Variants in MBD5 observed in about 807,000 individuals in gnomAD.
MBD5 encodes methyl-CpG-binding domain protein 5.
MBD5 carries 13 observed loss-of-function variants against 117.3 expected under a neutral mutation model. The ratio of observed to expected loss-of-function variants is 0.11; its 90% CI spans 0.07 to 0.18. MBD5 has a LOEUF of 0.18. Among genes scored for constraint, MBD5 ranks in the 10% least tolerant of loss-of-function variants. MBD5 has a pLI of 1.00. For synonymous variants in MBD5, 727 were observed against 766.4 expected (o/e 0.95, Z 0.85); for missense variants, 1,879 against 2,093.8 (o/e 0.90, Z 2.00).
intron 4 of MBD5, among the ~76,000 whole-genome samples, chr2:148,410,349 G>A (rs1296127652): frequency 6.6e-6 from 1 of 152,062 alleles, no homozygotes; most frequent in African/African-American, 2.4e-5. Context: ...TTCTCAGTCT[G>A]TCCATATGTA....
chr2:148,345,222 A>C (rs1165780921), intron 4 of MBD5, among the ~76,000 whole-genome samples: 1 of 79,506 alleles, frequency 1.3e-5, no homozygotes, highest in Non-Finnish European at 2.6e-5. Context: ...ATATATACAC[A>C]CACACATATA....
chr2:148,136,127 A>G, intron 1 of MBD5, among the ~76,000 whole-genome samples: 1 of 152,222 alleles, frequency 6.6e-6, no homozygotes, highest in Non-Finnish European at 1.5e-5. Context: ...TCAGGGACAC[A>G]TTCTCAGGTG....
chr2:148,416,622 T>A (rs933739232), intron 4 of MBD5, among the ~76,000 whole-genome samples: 13 of 151,834 alleles, frequency 8.6e-5, no homozygotes, highest in Admixed American at 6.6e-5. Context: ...TATATTTAAT[T>A]TTTTTTTATA....
intron 1 of MBD5, among the ~76,000 whole-genome samples, chr2:148,142,898 C>G (rs976673954): frequency 6.6e-6 from 1 of 152,034 alleles, no homozygotes; most frequent in Non-Finnish European, 1.5e-5. Context: ...ATTAGTAAAT[C>G]CAGGAGAAAT....
intron 1 of MBD5, among the ~76,000 whole-genome samples, chr2:148,093,679 T>C (rs770504569): frequency 1.4e-4 from 21 of 152,274 alleles, no homozygotes; most frequent in Middle Eastern, 6.8e-3. Context: ...ATGCTCATTA[T>C]TATTCTTAAC....
chr2:148,288,645 A>T (rs1201803281), intron 3 of MBD5, among the ~76,000 whole-genome samples: 1 of 152,044 alleles, frequency 6.6e-6, no homozygotes, highest in East Asian at 1.9e-4. Context: ...AGCCCTGATG[A>T]TCGGACTAGG....
chr2:148,119,388 A>T (rs1696712693), intron 1 of MBD5, among the ~76,000 whole-genome samples: 2 of 152,066 alleles, frequency 1.3e-5, no homozygotes, highest in South Asian at 4.1e-4. Flanking sequence ...TTTAAGTGTT[A>T]TTTATGTATT....
chr2:148,351,736 C>A (rs116764047), intron 4 of MBD5, among the ~76,000 whole-genome samples: 1,524 of 152,110 alleles, frequency 0.01, 24 homozygotes, highest in African/African-American at 0.035. Flanking sequence ...GGACCCTAAT[C>A]CCACACTTGC....
At chr2:148,254,796 A>G (rs762130784) in intron 3 of MBD5, among the ~76,000 whole-genome samples, 33 of 152,294 alleles carry the variant, frequency 2.2e-4, no homozygotes, top group Middle Eastern at 3.4e-3. Flanking sequence ...TGGTGTTACC[A>G]CAGTGTTGCT....
chr2:148,158,168 T>G (rs1697918455), intron 1 of MBD5, among the ~76,000 whole-genome samples: 1 of 152,214 alleles, frequency 6.6e-6, no homozygotes, highest in African/African-American at 2.4e-5. Context: ...AGTGATTATA[T>G]ATGATCCATC....
At chr2:148,172,771 A>T (rs544255662) in intron 1 of MBD5, among the ~76,000 whole-genome samples, 6 of 152,106 alleles carry the variant, frequency 3.9e-5, no homozygotes, top group Non-Finnish European at 7.4e-5. Context: ...TCTGAAGCCC[A>T]TAAAAACTCT....
intron 3 of MBD5, among the ~76,000 whole-genome samples, chr2:148,310,373 G>C (rs533603206): frequency 6.6e-6 from 1 of 152,200 alleles, no homozygotes; most frequent in East Asian, 1.9e-4. Context: ...TTAGTCTTGG[G>C]AAGGTGTATG....
chr2:148,081,410 AT>A (rs1401009801), intron 1 of MBD5, among the ~76,000 whole-genome samples: 1 of 152,232 alleles, frequency 6.6e-6, no homozygotes, highest in Non-Finnish European at 1.5e-5. Flanking sequence ...ATGCACAGAT[AT>A]TTCCAGTATA....
chr2:148,102,508 T>C (rs946667182), intron 1 of MBD5, among the ~76,000 whole-genome samples: 4 of 152,092 alleles, frequency 2.6e-5, no homozygotes, highest in Admixed American at 6.6e-5. Context: ...AGTGGTGACA[T>C]AGTGATGACT....
intron 4 of MBD5, among the ~76,000 whole-genome samples, chr2:148,438,014 A>G (rs1009304566): frequency 6.6e-6 from 1 of 152,230 alleles, no homozygotes; most frequent in African/African-American, 2.4e-5. Flanking sequence ...CATTTTATGT[A>G]CACCCACAAT....
At chr2:148,098,566 G>C (rs933041409) in intron 1 of MBD5, among the ~76,000 whole-genome samples, 1 of 152,060 alleles carries the variant, frequency 6.6e-6, no homozygotes, top group Non-Finnish European at 1.5e-5. Flanking sequence ...TAAGGAAGAG[G>C]TTATTAACTT....
intron 4 of MBD5, among the ~76,000 whole-genome samples, chr2:148,440,533 T>C (rs1454737691): frequency 6.6e-6 from 1 of 152,306 alleles, no homozygotes; most frequent in South Asian, 2.1e-4. Flanking sequence ...GATTTTAATA[T>C]ATTATTAAGA....
intron 1 of MBD5, among the ~76,000 whole-genome samples, chr2:148,113,183 C>T (rs916482918): frequency 2.0e-5 from 3 of 152,128 alleles, no homozygotes; most frequent in Admixed American, 1.3e-4. Flanking sequence ...ACTCCTAATA[C>T]TTGAGGTGCA....
chr2:148,448,065 A>C (rs1347342465), intron 4 of MBD5, among the ~76,000 whole-genome samples: 1 of 152,028 alleles, frequency 6.6e-6, no homozygotes, highest in East Asian at 1.9e-4. Flanking sequence ...TGCCATCCTC[A>C]TCATTCCAAT....
Sources: gnomAD v4.1 joint callset for allele counts (sites outside exome capture counted in the v4.1 genomes callset) on GRCh38, gnomAD v4.1.1 for gene constraint, MANE v1.5 for transcripts, NCBI Gene and HGNC (gene_info 2026-07-23, HGNC 2026-07-21) for gene names.